RASGRP1: variants seen among roughly 807,000 people sequenced by gnomAD.
RASGRP1 encodes RAS guanyl releasing protein 1, also known as RAS guanyl-releasing protein 1.
A neutral mutation model predicts 95.1 loss-of-function variants in RASGRP1; 37 were observed. The ratio of observed to expected loss-of-function variants is 0.39; its 90% CI spans 0.30 to 0.51. The LOEUF (loss-of-function observed/expected upper bound fraction) is 0.51, where lower values mean the gene tolerates loss of function less well. RASGRP1 is among the 20% of genes least tolerant of loss of function. The pLI is 0.80. For missense variants in RASGRP1, 711 were observed against 965.4 expected (o/e 0.74, Z 3.49); for synonymous variants, 325 against 353.4 (o/e 0.92, Z 0.90).
chr15:38,563,299 CA>C (rs1893887750), intron 1 of RASGRP1, among the ~76,000 whole-genome samples: 1 of 152,100 alleles, frequency 6.6e-6, no homozygotes, highest in Non-Finnish European at 1.5e-5. Context: ...TAAAAAAATA[CA>C]GTAGCCAAAT....
intron 2 of RASGRP1, among the ~76,000 whole-genome samples, chr15:38,559,399 C>G (rs983720677): frequency 3.9e-5 from 6 of 152,212 alleles, no homozygotes; most frequent in East Asian, 1.9e-4. Flanking sequence ...CTCCAGATTG[C>G]AAGGGGAATT....
chr15:38,492,773 C>A (rs570739837), intron 16 of RASGRP1, among the ~76,000 whole-genome samples: 2 of 151,888 alleles, frequency 1.3e-5, no homozygotes, highest in Non-Finnish European at 2.9e-5. Context: ...GTACTGTACT[C>A]GAAACAAAAA....
At position 38,505,828 on chromosome 15, in the gene RASGRP1, T is replaced by C. The variant is rs999428679; in HGVS notation, c.1323+12A>G. 1 of 1,586,586 alleles carries C rather than the reference T, an allele frequency of 6.3e-7. No homozygotes were observed. Among genetic ancestry groups the C allele is most frequent in the Non-Finnish European group, 8.6e-7 (1 of 1,156,574 alleles). ...ACCTGTTACATGTGGAGTCTTAATA[T>C]GAAAAACTCACTGGAGCTCTGTGGT... On this transcript the variant is annotated intron_variant, in intron 10 of 16. Coordinates refer to ENST00000310803, the MANE Select transcript of RASGRP1 (RefSeq NM_005739.4).
In RASGRP1 at chr15:38,494,634, G is replaced by T; in HGVS notation, c.2007C>A (p.Ala669=). Residue 669 remains alanine (A), a synonymous_variant, in exon 16 of 17, where the codon GCC becomes GCA. Coordinates refer to ENST00000310803, the MANE Select transcript of RASGRP1 (RefSeq NM_005739.4). ...GTGATTCAGTCTGGGTGGCCTTGTG[G>T]GCAACAGCCCTCTTCAGCCGAAGAG... ...KISLRLKRAV[A]HKATQTESQP... 5 of 1,559,368 alleles carry T rather than the reference G, an allele frequency of 3.2e-6. No homozygotes were observed. The highest frequency in any genetic ancestry group is 4.3e-6 in the Non-Finnish European group (5 of 1,158,090).
At chr15:38,505,721 C>G in intron 10 of RASGRP1, 119 bp downstream of exon 10, 13 of 776,252 alleles carry the variant, frequency 1.7e-5, no homozygotes, top group Admixed American at 4.4e-5. Context: ...AGGTTGAGCA[C>G]TAAGAAAAAC....
At chr15:38,516,478 A>T in intron 5 of RASGRP1, 128 bp from the exon 6 acceptor site, 1 of 1,136,016 alleles carries the variant, frequency 8.8e-7, no homozygotes, top group African/African-American at 1.6e-5. Flanking sequence ...TGTGAATGCC[A>T]AAACAGTGCA....
chr15:38,527,488 G>A (rs1167386455), intron 2 of RASGRP1, among the ~76,000 whole-genome samples: 2 of 152,150 alleles, frequency 1.3e-5, no homozygotes, highest in African/African-American at 4.8e-5. Context: ...ACTCCTGAGT[G>A]TTGATAGTTT....
rs542684993 is a variant in RASGRP1 at position 38,488,178 on chromosome 15, C to T, written c.*2376G>A. ...TTACATTAGGTATCAAAAAACTTTA[C>T]AATCTGTACATTTGTTTTTTTCTTG... On this transcript the variant is annotated 3_prime_UTR_variant, in exon 17 of 17. Transcript: ENST00000310803. 1 of 152,118 alleles carries T rather than the reference C, an allele frequency of 6.6e-6. No homozygotes were observed. Among genetic ancestry groups the T allele is most frequent in the East Asian group, 1.9e-4 (1 of 5,188 alleles). 9.4% of individuals were successfully genotyped at this position (152,118 alleles called of 1,614,324 possible). A position where few individuals can be genotyped will look rare whatever the true frequency, so the allele number is the denominator to read the frequency against.
Position 38,489,614 on chromosome 15 carries a change from A to C in RASGRP1, c.*940T>G, listed in dbSNP as rs899283168. 1 of 152,510 alleles carries C rather than the reference A, an allele frequency of 6.6e-6. No individual in the cohort carries two copies. The highest frequency in any genetic ancestry group is 1.5e-5 in the Non-Finnish European group (1 of 67,930). 9.4% of individuals were successfully genotyped at this position (152,510 alleles called of 1,614,324 possible). On this transcript the variant is annotated 3_prime_UTR_variant, in exon 17 of 17. Coordinates refer to ENST00000310803, the MANE Select transcript of RASGRP1 (RefSeq NM_005739.4). ...TGATCCAATTAGCTTATTTCTAAAT[A>C]GTATTAATAGTGAAGACAGTTAAGC... is the stretch of plus-strand genomic sequence containing the variant.
chr15:38,536,779 A>C (rs1329255975), intron 2 of RASGRP1, among the ~76,000 whole-genome samples: 1 of 152,232 alleles, frequency 6.6e-6, no homozygotes, highest in Non-Finnish European at 1.5e-5. Flanking sequence ...ACTGTTCTTT[A>C]ATTGCTTATA....
At chr15:38,510,916 G>T (rs28528886) in intron 8 of RASGRP1, among the ~76,000 whole-genome samples, 1 of 152,076 alleles carries the variant, frequency 6.6e-6, no homozygotes, top group African/African-American at 2.4e-5. Context: ...AGCTATGATC[G>T]TGCCAGCCTG....
At chr15:38,493,695 G>A (rs1309871787) in intron 16 of RASGRP1, among the ~76,000 whole-genome samples, 1 of 152,100 alleles carries the variant, frequency 6.6e-6, no homozygotes, top group Non-Finnish European at 1.5e-5. Flanking sequence ...ATATTCCACT[G>A]TGTGTTTGCC....
chr15:38,503,070 G>A (rs1891103288), intron 11 of RASGRP1: 2 of 584,136 alleles, frequency 3.4e-6, no homozygotes, highest in Non-Finnish European at 6.1e-6. Flanking sequence ...TGAAGAGGAG[G>A]CACAACTGCC....
Position 38,547,025 on chromosome 15 carries a change from A to G in RASGRP1, c.220+12796T>C, listed in dbSNP as rs550982916. Among the ~76,000 whole-genome samples the G allele has an allele frequency of 2.6e-5, 4 of 152,338 alleles. No homozygotes were observed. In the East Asian group the frequency reaches 7.7e-4, roughly 29 times the overall value. On this transcript the variant is annotated intron_variant, in intron 2 of 16. Transcript: ENST00000310803. The stretch of plus-strand genomic sequence containing the variant: ...TTTCCCACAGTGTGTCTAACCAAAA[A>G]CACAGATTGTGTTTAAATCTGATGA...
chr15:38,517,658 T>C (rs1013131072), intron 5 of RASGRP1, among the ~76,000 whole-genome samples: 8 of 152,166 alleles, frequency 5.3e-5, no homozygotes, highest in Non-Finnish European at 1.0e-4. Context: ...ATATCAGTTC[T>C]AGAATTCTAT....
At chr15:38,531,306 C>T (rs1299613564) in intron 2 of RASGRP1, among the ~76,000 whole-genome samples, 1 of 152,178 alleles carries the variant, frequency 6.6e-6, no homozygotes, top group African/African-American at 2.4e-5. Context: ...TTCCACTATA[C>T]CTGGCTGCAT....
rs1288645449 is a variant in RASGRP1, at chr15:38,502,314, G to A, written c.1536C>T (p.Asp512=). The A allele has an allele frequency of 2.6e-6, 4 of 1,568,002 alleles. No homozygotes were observed. Among genetic ancestry groups the A allele is most frequent in the Non-Finnish European group, 3.5e-6 (4 of 1,138,650 alleles). Reference sequence around the variant, plus strand: ...TATTCCTAAGTACAAACCCTCACCTGTCTTTGTCCATCACACAGAAGGAAA... The same window carrying A: ...TATTCCTAAGTACAAACCCTCACCTATCTTTGTCCATCACACAGAAGGAAA... The part of the protein sequence containing the change: ...FPFSFCVMDK[D]REGLISRDEI... The change falls in exon 12 of 17, where the codon GAC becomes GAT. Residue 512 remains aspartate, a splice_region_variant and synonymous_variant. Coordinates refer to ENST00000310803, the MANE Select transcript of RASGRP1 (RefSeq NM_005739.4).
chr15:38,553,570 C>T (rs567341306), intron 2 of RASGRP1, among the ~76,000 whole-genome samples: 1 of 152,274 alleles, frequency 6.6e-6, no homozygotes, highest in Admixed American at 6.5e-5. Context: ...AGTAGACCCT[C>T]CCAGCACCAT....
intron 2 of RASGRP1, among the ~76,000 whole-genome samples, chr15:38,528,780 C>A (rs1186289262): frequency 6.6e-6 from 1 of 152,162 alleles, no homozygotes; most frequent in Non-Finnish European, 1.5e-5. Flanking sequence ...GGCTAAAATA[C>A]CATCTATATG....
Sources: allele counts gnomAD v4.1 joint callset (sites outside exome capture counted in the v4.1 genomes callset), GRCh38; gene constraint gnomAD v4.1.1; transcripts MANE v1.5; gene names NCBI Gene and HGNC (gene_info 2026-07-23, HGNC 2026-07-21).